Variants in NUP98 observed in about 807,000 individuals in gnomAD.
NUP98 encodes the protein nucleoporin 98 and 96 precursor, also known as nuclear pore complex protein Nup98-Nup96.
A neutral mutation model predicts 191.9 loss-of-function variants in NUP98; 26 were observed. The ratio of observed to expected loss-of-function variants is 0.14; its 90% confidence interval spans 0.10 to 0.19. The LOEUF (loss-of-function observed/expected upper bound fraction) is 0.19, where lower values mean the gene tolerates loss of function less well. NUP98 is among the 10% of genes least tolerant of loss of function. The pLI is 1.00. For synonymous variants in NUP98, 808 were observed against 778.4 expected (o/e 1.04, Z -0.63); for missense variants, 1,941 against 2,178.8 (o/e 0.89, Z 2.17).
chr11:3,773,700 T>C lies in NUP98; in HGVS notation c.535A>G (p.Ser179Gly). Residue 179 changes from serine (S) to glycine (G), a missense_variant, in exon 6 of 33, where the codon AGC becomes GGC. Coordinates refer to ENST00000324932, the MANE Select transcript of NUP98 (RefSeq NM_016320.5). ...GTDTMVKAGV[S>G]TNISTKHQCI... ...TGGTGCTTGGTACTTATGTTAGTGC[T>C]AACTCCAGCTTTGACCATAGTATCT... is the stretch of plus-strand genomic sequence containing the variant. 6.2e-7 allele frequency: 1 copy of C among 1,613,718 alleles called. No homozygotes were observed.
Position 3,699,365 on chromosome 11 carries a change from AAAAC to A in NUP98, c.3743-21_3743-18del. ...GCTTCACAACTAAGGCAGGAAGAGA[AAAAC>A]AATGTTACGAGACAAAGTCTTACAA... On this transcript the variant is annotated intron_variant, in intron 24 of 32. Coordinates refer to ENST00000324932, the MANE Select transcript of NUP98 (RefSeq NM_016320.5). The A allele has an allele frequency of 1.9e-6, 3 of 1,610,178 alleles. No individual in the cohort carries two copies. Among genetic ancestry groups the A allele is most frequent in the Non-Finnish European group, 2.5e-6 (3 of 1,176,524 alleles).
chr11:3,688,044 G>T (rs954899435), intron 28 of NUP98, among the ~76,000 whole-genome samples: 1 of 152,086 alleles, frequency 6.6e-6, no homozygotes, highest in South Asian at 2.1e-4. Context: ...TCTGGAGAGG[G>T]TGGTGATGAT....
At chr11:3,739,701 C>T (rs2134341148) in intron 12 of NUP98, among the ~76,000 whole-genome samples, 1 of 152,072 alleles carries the variant, frequency 6.6e-6, no homozygotes, top group Admixed American at 6.5e-5. Context: ...GGGAAGGTGG[C>T]AAATGAACAC....
intron 1 of NUP98, among the ~76,000 whole-genome samples, chr11:3,791,021 G>A (rs896630403): frequency 6.6e-6 from 1 of 151,542 alleles, no homozygotes; most frequent in African/African-American, 2.4e-5. Context: ...TCAGCCTTCC[G>A]AGTAACTGGG....
intron 1 of NUP98, among the ~76,000 whole-genome samples, chr11:3,795,693 A>T (rs2082505726): frequency 6.6e-6 from 1 of 152,244 alleles, no homozygotes; most frequent in Admixed American, 6.5e-5. Context: ...CAGCTAAAAT[A>T]AAAATGATAT....
intron 20 of NUP98, among the ~76,000 whole-genome samples, chr11:3,711,222 G>A (rs2079016371): frequency 6.6e-6 from 1 of 151,604 alleles, no homozygotes; most frequent in Non-Finnish European, 1.5e-5. Context: ...TACAGCCTGG[G>A]CGACAACTCT....
chr11:3,760,810 T>C (rs955929513), intron 9 of NUP98, among the ~76,000 whole-genome samples, 184 bp from the exon 10 acceptor site: 3 of 152,180 alleles, frequency 2.0e-5, no homozygotes, highest in Non-Finnish European at 2.9e-5. Context: ...AGATTAACTT[T>C]ATAAACACGG....
At chr11:3,750,603 C>CT (rs1413998187) in intron 11 of NUP98, among the ~76,000 whole-genome samples, 1 of 151,942 alleles carries the variant, frequency 6.6e-6, no homozygotes, top group Non-Finnish European at 1.5e-5. Context: ...TAAAAGGATA[C>CT]TAACCTTAAC....
At chr11:3,678,566 C>G (rs2077888442) in intron 31 of NUP98, among the ~76,000 whole-genome samples, 1 of 152,208 alleles carries the variant, frequency 6.6e-6, no homozygotes, top group South Asian at 2.1e-4. Flanking sequence ...GTAGGGGTAA[C>G]AGCAACCTAG....
Position 3,702,863 on chromosome 11 carries a change from T to C in NUP98, c.3112A>G (p.Ser1038Gly), listed in dbSNP as rs774078627. ...ACACTTGGTGAAAGAAAAGCTCCAC[T>C]TGTAAATTTTGATTGTAGTAACCCA... ...VGGLLQSKFT[S>G]GAFLSPSVSV... Residue 1038 changes from serine (S) to glycine (G), a missense_variant, in exon 23 of 33, where the codon AGT (serine) becomes GGT (glycine). Physicochemically the swap from Ser to Gly is moderately conservative, Grantham distance 56. Transcript: ENST00000324932. 9.3e-6 allele frequency: 15 copies of C among 1,612,068 alleles called. No homozygotes were observed. In the African/African-American group the frequency reaches 1.7e-4, roughly 19 times the overall value.
chr11:3,732,893 C>G (rs780211592), intron 13 of NUP98, among the ~76,000 whole-genome samples: 1 of 152,206 alleles, frequency 6.6e-6, no homozygotes, highest in Admixed American at 6.5e-5. Context: ...TGATCTTTCA[C>G]AATTCTTTGG....
chr11:3,689,360 A>C (rs2078234305), intron 28 of NUP98, among the ~76,000 whole-genome samples: 1 of 152,042 alleles, frequency 6.6e-6, no homozygotes, highest in South Asian at 2.1e-4. Flanking sequence ...CCCTGTCTCT[A>C]CTAAAAATAC....
At chr11:3,783,855 T>G (rs2082054850) in intron 1 of NUP98, among the ~76,000 whole-genome samples, 2 of 151,928 alleles carry the variant, frequency 1.3e-5, no homozygotes, top group South Asian at 4.2e-4. Flanking sequence ...AAGAATAGCT[T>G]CATAGTGAAA....
chr11:3,705,121 G>A, intron 22 of NUP98, 79 bp downstream of exon 22: 1 of 1,375,816 alleles, frequency 7.3e-7, no homozygotes, highest in Non-Finnish European at 1.0e-6. Context: ...AAGTCCACTT[G>A]GGTTAGAAGA....
rs997345196 is a variant in NUP98, at chr11:3,741,578, G to A, written c.1408+2931C>T. ...GGATATAGAAGTGAGCCGAGATCGC[G>A]CCACTGCACTCCAGCTTGGGTGACA... On this transcript the variant is annotated intron_variant, in intron 12 of 32. Coordinates refer to ENST00000324932, the MANE Select transcript of NUP98 (RefSeq NM_016320.5). 4.6e-5 allele frequency among the ~76,000 whole-genome samples: 7 copies of A among 152,054 alleles called. No homozygotes were observed. In the East Asian group the frequency reaches 7.7e-4, roughly 17 times the overall value.
At chr11:3,727,259 C>T (rs1383632905) in intron 14 of NUP98, among the ~76,000 whole-genome samples, 2 of 151,968 alleles carry the variant, frequency 1.3e-5, no homozygotes, top group Non-Finnish European at 2.9e-5. Context: ...CACTTAAGGC[C>T]AGCCCGGGCA....
At chr11:3,703,420 G>A (rs1002923045) in intron 22 of NUP98, among the ~76,000 whole-genome samples, 3 of 152,050 alleles carry the variant, frequency 2.0e-5, no homozygotes, top group Non-Finnish European at 4.4e-5. Flanking sequence ...GTTTCACCAT[G>A]TTGGCCAGGC....
intron 31 of NUP98, among the ~76,000 whole-genome samples, chr11:3,677,429 G>A (rs1474669562): frequency 2.0e-5 from 1 of 49,428 alleles, no homozygotes; most frequent in Non-Finnish European, 5.5e-5. Flanking sequence ...TTTTTTTTTT[G>A]GGAGAAGGGG....
Position 3,712,678 on chromosome 11 carries a change from C to T in NUP98, c.2628G>A (p.Glu876=). Residue 876 remains glutamate, a synonymous_variant, in exon 20 of 33, where the codon GAG becomes GAA. Coordinates refer to ENST00000324932, the MANE Select transcript of NUP98 (RefSeq NM_016320.5). ...TTGTACTAGTTTTAGACGGATGCTC[C>T]TCCTCCTCTTCATCAGAATCCTGAA... ...YGLQDSDEEE[E]EHPSKTSTKK... 9 of 1,613,312 alleles carry T rather than the reference C, an allele frequency of 5.6e-6. No individual in the cohort carries two copies. The highest frequency in any genetic ancestry group is 7.6e-6 in the Non-Finnish European group (9 of 1,179,982).
Sources: allele counts gnomAD v4.1 joint callset (sites outside exome capture counted in the v4.1 genomes callset), GRCh38; gene constraint gnomAD v4.1.1; transcripts MANE v1.5; gene names NCBI Gene and HGNC (gene_info 2026-07-23, HGNC 2026-07-21).